The following ATXN7L1 variants were observed in gnomAD, a reference collection of about 807,000 sequenced individuals.
ATXN7L1 encodes the protein ataxin-7-like protein 1.
In ATXN7L1, 15 loss-of-function variants were observed where a neutral mutation model predicts 70.8. That is an observed-to-expected ratio of 0.21 (90% confidence interval 0.14 to 0.33). The LOEUF is 0.33. Ranked by LOEUF, ATXN7L1 falls within the 10% of genes least tolerant of loss-of-function variation. The pLI is 1.00. For synonymous variants in ATXN7L1, 440 were observed against 445.1 expected (o/e 0.99, Z 0.14); for missense variants, 975 against 1,097.1 (o/e 0.89, Z 1.57).
At chr7:105,750,144 G>A (rs903672386) in intron 3 of ATXN7L1, among the ~76,000 whole-genome samples, 14 of 152,034 alleles carry the variant, frequency 9.2e-5, no homozygotes, top group Non-Finnish European at 1.8e-4. Context: ...AGACTGAAAA[G>A]TCTGTCTTGA....
intron 3 of ATXN7L1, among the ~76,000 whole-genome samples, chr7:105,718,399 T>C (rs896978502): frequency 1.3e-5 from 2 of 152,108 alleles, no homozygotes; most frequent in Non-Finnish European, 2.9e-5. Context: ...TAAAAAACAA[T>C]ATAAATGGGA....
intron 3 of ATXN7L1, among the ~76,000 whole-genome samples, chr7:105,783,753 T>C (rs1447785548): frequency 6.6e-6 from 1 of 152,188 alleles, no homozygotes; most frequent in Non-Finnish European, 1.5e-5. Flanking sequence ...TAAACATTAG[T>C]AAAATGTTTC....
chr7:105,685,700 G>T (rs868376736), intron 3 of ATXN7L1, among the ~76,000 whole-genome samples: 2 of 152,162 alleles, frequency 1.3e-5, no homozygotes, highest in African/African-American at 4.8e-5. Flanking sequence ...ATGAAGGGCC[G>T]TGAGAGTTAC....
chr7:105,727,431 G>A (rs1795937793), intron 3 of ATXN7L1, among the ~76,000 whole-genome samples: 1 of 152,026 alleles, frequency 6.6e-6, no homozygotes, highest in African/African-American at 2.4e-5. Context: ...CAGTTTGGGA[G>A]GCCGAGGCGC....
intron 2 of ATXN7L1, among the ~76,000 whole-genome samples, chr7:105,865,778 A>G (rs1817376017): frequency 6.6e-6 from 1 of 152,146 alleles, no homozygotes; most frequent in African/African-American, 2.4e-5. Context: ...CCATCACCAC[A>G]GTCCATCTCC....
At position 105,665,161 on chromosome 7, in the gene ATXN7L1, G is replaced by C; in HGVS notation, c.483C>G (p.Thr161=). The C allele has an allele frequency of 6.4e-7, 1 of 1,551,720 alleles. No individual in the cohort carries two copies. The highest frequency in any genetic ancestry group is 8.7e-7 in the Non-Finnish European group (1 of 1,146,996). ...CTTTGGGCGTTTTGAATGGCTTTGAGGTGCTGCTGGCAGAGTGATGGCCGC... is the reference window on the plus strand; with the variant it reads ...CTTTGGGCGTTTTGAATGGCTTTGACGTGCTGCTGGCAGAGTGATGGCCGC... ...CLSGHHSASS[T]SKPFKTPKDN... is the part of the protein sequence containing the mutation. Residue 161 remains threonine, a synonymous_variant, in exon 4 of 12, where the codon ACC becomes ACG. Coordinates refer to ENST00000419735, the MANE Select transcript of ATXN7L1 (RefSeq NM_020725.2).
intron 2 of ATXN7L1, among the ~76,000 whole-genome samples, chr7:105,808,860 A>G (rs912748719): frequency 2.6e-4 from 39 of 152,224 alleles, no homozygotes; most frequent in Admixed American, 7.2e-4. Context: ...TGAAATTAAG[A>G]TGGTTCTTTT....
At chr7:105,825,625 T>TTTTTTTTTTG (rs1563124044) in intron 2 of ATXN7L1, among the ~76,000 whole-genome samples, 1 of 151,834 alleles carries the variant, frequency 6.6e-6, no homozygotes, top group African/African-American at 2.4e-5. Flanking sequence ...AGCATGTTTT[T>TTTTTTTTTTG]AAGACACAAG....
Position 105,733,526 on chromosome 7 carries a change from C to CCATT in ATXN7L1, c.355+55077_355+55078insAATG, listed in dbSNP as rs1563048461. Among the ~76,000 whole-genome samples the CCATT allele has an allele frequency of 2.7e-4, 32 of 120,554 alleles. 1 individual carries two copies. Among genetic ancestry groups the CCATT allele is most frequent in the African/African-American group, 8.9e-4 (26 of 29,276 alleles). 79.1% of individuals were successfully genotyped at this position (120,554 alleles called of 152,430 possible). A position where few individuals can be genotyped will look rare whatever the true frequency, so the allele number is the denominator to read the frequency against. ...TCCTTCCATCCATCCACCCATCCAT[C>CCATT]CATCCATCCATCCACCCATCCATCC... On this transcript the variant is annotated intron_variant, in intron 3 of 11. Coordinates refer to ENST00000419735, the MANE Select transcript of ATXN7L1 (RefSeq NM_020725.2).
At chr7:105,867,393 G>C (rs989867316) in intron 2 of ATXN7L1, among the ~76,000 whole-genome samples, 1 of 152,108 alleles carries the variant, frequency 6.6e-6, no homozygotes, top group Non-Finnish European at 1.5e-5. Flanking sequence ...TTTTGACATC[G>C]GGGGCCACTG....
intron 3 of ATXN7L1, among the ~76,000 whole-genome samples, chr7:105,785,090 T>A (rs1804100813): frequency 6.6e-6 from 1 of 152,218 alleles, no homozygotes; most frequent in African/African-American, 2.4e-5. Context: ...AGCACTGACC[T>A]CCTAAGCCTT....
At chr7:105,775,587 G>A (rs972939383) in intron 3 of ATXN7L1, among the ~76,000 whole-genome samples, 2 of 152,160 alleles carry the variant, frequency 1.3e-5, no homozygotes, top group Admixed American at 1.3e-4. Context: ...GGGTTCTAGT[G>A]TCAGGGTGGG....
rs532694944 is a variant in ATXN7L1 at position 105,800,139 on chromosome 7, C to T, written c.251-11431G>A. ...GTTTTAAGGTAATGGAAAATAAGAT[C>T]GATCAGCTAGAGGAGAAAAATCACA... On this transcript the variant is annotated intron_variant, in intron 2 of 11. Transcript: ENST00000419735. Among the ~76,000 whole-genome samples the T allele has an allele frequency of 3.3e-5, 5 of 152,200 alleles. No individual in the cohort carries two copies. In the East Asian group the frequency reaches 9.6e-4, roughly 29 times the overall value.
intron 2 of ATXN7L1, among the ~76,000 whole-genome samples, chr7:105,854,185 T>G (rs984618476): frequency 1.3e-5 from 2 of 152,320 alleles, no homozygotes; most frequent in African/African-American, 4.8e-5. Flanking sequence ...CACTGGAGAC[T>G]GGTCCTCTCA....
chr7:105,732,296 C>T (rs1161610718), intron 3 of ATXN7L1, among the ~76,000 whole-genome samples: 1 of 152,002 alleles, frequency 6.6e-6, no homozygotes, highest in East Asian at 1.9e-4. Flanking sequence ...GCCTGTAGTC[C>T]CATCTACTCA....
chr7:105,647,193 C>T lies in ATXN7L1; in HGVS notation c.579-4072G>A, dbSNP rs182465831. 2.1e-4 allele frequency among the ~76,000 whole-genome samples: 32 copies of T among 152,308 alleles called. No individual in the cohort carries two copies. The East Asian group carries it at 5.2e-3, about 25-fold the overall frequency. ...GAAAGGAAATTAGAACTTGCAAGTTCCAGATCTAGTTCTTGTTGCATGAGC... is the reference window on the plus strand; with the variant it reads ...GAAAGGAAATTAGAACTTGCAAGTTTCAGATCTAGTTCTTGTTGCATGAGC... On this transcript the variant is annotated intron_variant, in intron 4 of 11. Coordinates refer to ENST00000419735, the MANE Select transcript of ATXN7L1 (RefSeq NM_020725.2).
At chr7:105,737,452 A>G (rs1797509041) in intron 3 of ATXN7L1, among the ~76,000 whole-genome samples, 1 of 152,140 alleles carries the variant, frequency 6.6e-6, no homozygotes, top group Non-Finnish European at 1.5e-5. Context: ...ACAGTTGGGT[A>G]TGTAGAGAAG....
intron 3 of ATXN7L1, among the ~76,000 whole-genome samples, chr7:105,744,800 C>T (rs564957764): frequency 6.9e-6 from 1 of 144,264 alleles, no homozygotes; most frequent in South Asian, 2.2e-4. Context: ...TGCAGTGGCA[C>T]AATCTCGGCT....
chr7:105,828,144 C>T (rs2116579954), intron 2 of ATXN7L1, among the ~76,000 whole-genome samples: 1 of 152,194 alleles, frequency 6.6e-6, no homozygotes, highest in African/African-American at 2.4e-5. Context: ...AGGGATTGAC[C>T]CAGGCAGTGT....
Sources: gnomAD v4.1 joint callset for allele counts (sites outside exome capture counted in the v4.1 genomes callset) on GRCh38, gnomAD v4.1.1 for gene constraint, MANE v1.5 for transcripts, NCBI Gene and HGNC (gene_info 2026-07-23, HGNC 2026-07-21) for gene names.